The following SMCHD1 variants were observed in gnomAD, a reference collection of about 807,000 sequenced individuals.
SMCHD1 encodes structural maintenance of chromosomes flexible hinge domain containing 1.
Under a neutral mutation model 254.7 loss-of-function variants are expected in SMCHD1, and 78 were observed. The observed-to-expected ratio is 0.31, with a 90% CI of 0.26 to 0.37. The LOEUF (loss-of-function observed/expected upper bound fraction) is 0.37, where lower values mean the gene tolerates loss of function less well. Ranked by LOEUF, SMCHD1 falls within the 10% of genes least tolerant of loss-of-function variation. The pLI is 1.00. For missense variants in SMCHD1, 1,840 were observed against 2,408.1 expected, an observed-to-expected ratio of 0.76 and a Z score of 4.94; for synonymous variants, 766 against 794.9, an observed-to-expected ratio of 0.96 and a Z score of 0.61.
At chr18:2,800,446 C>T (rs570654951) in intron 47 of SMCHD1, 4 of 152,256 alleles carry the variant, frequency 2.6e-5, no homozygotes, top group African/African-American at 9.6e-5. Flanking sequence ...AACTAAAAGG[C>T]TGATAACTGG....
intron 37 of SMCHD1, among the ~76,000 whole-genome samples, chr18:2,765,659 T>C (rs1370976299): frequency 6.6e-6 from 1 of 152,262 alleles, no homozygotes. Flanking sequence ...GCCAGCTGTA[T>C]GTGCACCCTG....
At chr18:2,753,468 A>T (rs2143637543) in intron 34 of SMCHD1, among the ~76,000 whole-genome samples, 1 of 152,320 alleles carries the variant, frequency 6.6e-6, no homozygotes, top group South Asian at 2.1e-4. Context: ...AAGTTCATAG[A>T]TGTGTATATT....
In SMCHD1 at chr18:2,688,404, G is replaced by C. The variant is rs2074099554; in HGVS notation, c.649G>C (p.Gly217Arg). ...AATGTTTTATTTTAGTGATCATTCAGGATATGTTCGTCCAGTACCAGTGCC... is the reference window on the plus strand; with the variant it reads ...AATGTTTTATTTTAGTGATCATTCACGATATGTTCGTCCAGTACCAGTGCC... Reference protein sequence around the residue: ...RQGDFESDHSGYVRPVPVPRS... With the variant: ...RQGDFESDHSRYVRPVPVPRS... The change falls in exon 6 of 48, where the codon GGA (glycine) becomes CGA (arginine). Residue 217 changes from glycine (G) to arginine (R), a missense_variant. Physicochemically the swap from Gly to Arg is moderately radical, Grantham distance 125. Transcript: ENST00000320876. The C allele has an allele frequency of 2.5e-6, 4 of 1,610,812 alleles. No individual in the cohort carries two copies. In the East Asian group the frequency reaches 8.9e-5, roughly 36 times the overall value.
chr18:2,665,551 C>G (rs548212261), intron 1 of SMCHD1, among the ~76,000 whole-genome samples: 4 of 152,262 alleles, frequency 2.6e-5, no homozygotes, highest in Admixed American at 6.5e-5. Context: ...GAACTCCTGA[C>G]CTTGTGATCC....
chr18:2,795,709 C>T (rs1256486644), intron 45 of SMCHD1, among the ~76,000 whole-genome samples: 1 of 152,184 alleles, frequency 6.6e-6, no homozygotes, highest in Non-Finnish European at 1.5e-5. Flanking sequence ...ATATAGAGAA[C>T]TCTTCCCTGA....
chr18:2,747,182 T>C (rs764056524), intron 29 of SMCHD1, among the ~76,000 whole-genome samples: 1 of 152,212 alleles, frequency 6.6e-6, no homozygotes, highest in African/African-American at 2.4e-5. Flanking sequence ...TAAAGATGAT[T>C]TCAAGTGTAT....
At chr18:2,790,521 A>G (rs972501256) in intron 45 of SMCHD1, among the ~76,000 whole-genome samples, 3 of 152,182 alleles carry the variant, frequency 2.0e-5, no homozygotes, top group African/African-American at 7.2e-5. Flanking sequence ...GCACTCTGGG[A>G]GGCCAAGGTG....
intron 44 of SMCHD1, among the ~76,000 whole-genome samples, chr18:2,782,414 T>G (rs751010782): frequency 1.3e-5 from 2 of 152,148 alleles, no homozygotes; most frequent in African/African-American, 2.4e-5. Flanking sequence ...AACAAGATAA[T>G]AGAAAATCTA....
In SMCHD1 at chr18:2,656,041, G is replaced by A; in HGVS notation, c.-35G>A. ...GCACCTCAGCCCTGAGCCCGGCGGC[G>A]GCAGGCGTCGCTGTCTTTTCTCCTT... is the stretch of plus-strand genomic sequence containing the variant. On this transcript the variant is annotated 5_prime_UTR_variant, in exon 1 of 48. Coordinates refer to ENST00000320876, the MANE Select transcript of SMCHD1 (RefSeq NM_015295.3). 10 of 1,312,372 alleles carry A rather than the reference G, an allele frequency of 7.6e-6. No homozygotes were observed. Among genetic ancestry groups the A allele is most frequent in the Non-Finnish European group, 8.8e-6 (9 of 1,028,046 alleles). 81.3% of individuals were successfully genotyped at this position (1,312,372 alleles called of 1,614,324 possible). A position where few individuals can be genotyped will look rare whatever the true frequency, so the allele number is the denominator to read the frequency against.
At chr18:2,721,572 GCTGCTTT>G (rs2074928998) in intron 19 of SMCHD1, among the ~76,000 whole-genome samples, 1 of 152,098 alleles carries the variant, frequency 6.6e-6, no homozygotes, top group Non-Finnish European at 1.5e-5. Flanking sequence ...AAAAAATTAT[GCTGCTTT>G]CTGTACGTAT....
chr18:2,761,585 G>A (rs1372007508), intron 35 of SMCHD1, among the ~76,000 whole-genome samples: 1 of 152,188 alleles, frequency 6.6e-6, no homozygotes, highest in Non-Finnish European at 1.5e-5. Context: ...GGGAGGCCGA[G>A]GTGGGCAGAT....
intron 24 of SMCHD1, among the ~76,000 whole-genome samples, chr18:2,731,762 A>G (rs562642402): frequency 4.6e-4 from 70 of 152,354 alleles, no homozygotes; most frequent in African/African-American, 1.6e-3. Flanking sequence ...CTGTAATCCC[A>G]GCACTTTGGA....
At chr18:2,690,307 A>G (rs1319343957) in intron 7 of SMCHD1, among the ~76,000 whole-genome samples, 2 of 152,236 alleles carry the variant, frequency 1.3e-5, no homozygotes, top group African/African-American at 2.4e-5. Flanking sequence ...ATTTCCTTCA[A>G]TGAATGTAAC....
intron 47 of SMCHD1, among the ~76,000 whole-genome samples, chr18:2,797,189 A>C: frequency 6.6e-6 from 1 of 152,188 alleles, no homozygotes; most frequent in East Asian, 1.9e-4. Context: ...ACTTATTTTA[A>C]AATTGCTTAT....
At chr18:2,710,374 C>A (rs2074639182) in intron 17 of SMCHD1, among the ~76,000 whole-genome samples, 1 of 152,070 alleles carries the variant, frequency 6.6e-6, no homozygotes, top group African/African-American at 2.4e-5. Flanking sequence ...CTATTTGGGT[C>A]CATGGAGATT....
At chr18:2,730,261 C>T (rs749686017) in intron 24 of SMCHD1, among the ~76,000 whole-genome samples, 11 of 152,152 alleles carry the variant, frequency 7.2e-5, no homozygotes, top group Non-Finnish European at 1.3e-4. Flanking sequence ...AGCTCTGCCT[C>T]CTGGGTTCAC....
intron 45 of SMCHD1, among the ~76,000 whole-genome samples, chr18:2,792,786 A>T (rs1167570673): frequency 2.0e-5 from 3 of 152,174 alleles, no homozygotes; most frequent in African/African-American, 7.2e-5. Context: ...ATTTTTATGA[A>T]TAGTGACGAA....
intron 12 of SMCHD1, 124 bp from the exon 13 acceptor site, chr18:2,703,568 A>G (rs990490978): frequency 5.5e-6 from 4 of 729,456 alleles, no homozygotes; most frequent in Non-Finnish European, 2.2e-6. Context: ...AGAATATTTA[A>G]TTTTTTATTA....
chr18:2,699,116 A>T (rs1436812094), intron 10 of SMCHD1, among the ~76,000 whole-genome samples: 2 of 152,184 alleles, frequency 1.3e-5, no homozygotes, highest in Non-Finnish European at 2.9e-5. Context: ...GCCTGCAACC[A>T]GAGATCCTGA....
Sources: allele counts gnomAD v4.1 joint callset (sites outside exome capture counted in the v4.1 genomes callset), GRCh38; gene constraint gnomAD v4.1.1; transcripts MANE v1.5; gene names NCBI Gene and HGNC (gene_info 2026-07-23, HGNC 2026-07-21).